Variants in ZMAT4 observed in about 807,000 individuals in gnomAD.
ZMAT4 encodes the protein zinc finger matrin-type 4.
A neutral mutation model predicts 28.7 loss-of-function variants in ZMAT4; 17 were observed. That is an observed-to-expected ratio of 0.59 (90% CI 0.41 to 0.89). The LOEUF (loss-of-function observed/expected upper bound fraction) is 0.89. Among genes scored for constraint, ZMAT4 ranks in the 40% least tolerant of loss-of-function variants. The pLI is 0.00. For missense variants in ZMAT4, 240 were observed against 283.8 expected, an observed-to-expected ratio of 0.85 and a Z score of 1.11; for synonymous variants, 117 against 109.2, an observed-to-expected ratio of 1.07 and a Z score of -0.44.
chr8:40,809,836 G>A (rs2150595077), intron 2 of ZMAT4, among the ~76,000 whole-genome samples: 1 of 152,178 alleles, frequency 6.6e-6, no homozygotes. Flanking sequence ...TTGAGGTCAG[G>A]AGTTCAAGAC....
chr8:40,632,186 G>A (rs1806613496), intron 5 of ZMAT4, among the ~76,000 whole-genome samples: 1 of 152,174 alleles, frequency 6.6e-6, no homozygotes, highest in Non-Finnish European at 1.5e-5. Context: ...TGGAATGCCA[G>A]TTTTACACAG....
intron 1 of ZMAT4, among the ~76,000 whole-genome samples, chr8:40,891,257 G>GAGGGGGAAGGGGGAAGGGGGGAGGGGGA (rs1818669763): frequency 1.1e-5 from 1 of 93,818 alleles, no homozygotes; most frequent in Admixed American, 1.0e-4. Flanking sequence ...GGGGAAGGGG[G>GAGGGGGAAGGGGGAAGGGGGGAGGGGGA]AGGGGGGAGG....
rs373761809 is a variant in ZMAT4 at position 40,574,000 on chromosome 8, G to T, written c.674+7165C>A. ...ATATTATTAGTAAAAATATAAATCT[G>T]ATACCTCTATAATCACTGGCACCTG... On this transcript the variant is annotated intron_variant, in intron 6 of 6. Transcript: ENST00000297737. Among the ~76,000 whole-genome samples the T allele has an allele frequency of 9.2e-4, 140 of 152,208 alleles. 1 individual carries two copies. Among genetic ancestry groups the T allele is most frequent in the Non-Finnish European group, 5.1e-4 (35 of 68,004 alleles).
Position 40,851,099 on chromosome 8 carries a change from G to T in ZMAT4, c.-4-25419C>A, listed in dbSNP as rs541466326. 1.1e-3 allele frequency among the ~76,000 whole-genome samples: 169 copies of T among 152,206 alleles called. 1 individual carries two copies. Among genetic ancestry groups the T allele is most frequent in the Non-Finnish European group, 1.1e-3 (77 of 68,000 alleles). ...CCCAGCACTTTGGGAGACCGCGGTAGGCAGATCACGTGAGGTCAGGATTTC... is the reference window on the plus strand; with the variant it reads ...CCCAGCACTTTGGGAGACCGCGGTATGCAGATCACGTGAGGTCAGGATTTC... On this transcript the variant is annotated intron_variant, in intron 1 of 6. Transcript: ENST00000297737.
chr8:40,538,181 C>T (rs551353157), intron 6 of ZMAT4, among the ~76,000 whole-genome samples: 1 of 152,256 alleles, frequency 6.6e-6, no homozygotes, highest in South Asian at 2.1e-4. Context: ...TCTCGGGAGC[C>T]TACTATCTGA....
intron 3 of ZMAT4, among the ~76,000 whole-genome samples, chr8:40,755,170 C>T (rs1401206885): frequency 6.6e-6 from 1 of 152,056 alleles, no homozygotes; most frequent in African/African-American, 2.4e-5. Flanking sequence ...AATGGAAACT[C>T]GGGGGTTTGA....
chr8:40,790,648 T>C (rs1814284865), intron 2 of ZMAT4, among the ~76,000 whole-genome samples: 1 of 151,962 alleles, frequency 6.6e-6, no homozygotes, highest in Non-Finnish European at 1.5e-5. Context: ...AACAAAAAAA[T>C]TGAGAGATAT....
At chr8:40,620,468 T>C (rs1806156069) in intron 5 of ZMAT4, among the ~76,000 whole-genome samples, 1 of 152,246 alleles carries the variant, frequency 6.6e-6, no homozygotes, top group African/African-American at 2.4e-5. Context: ...TTTATTCCTC[T>C]GTAAAAGAAC....
chr8:40,836,659 A>T (rs1816500989), intron 1 of ZMAT4, among the ~76,000 whole-genome samples: 1 of 152,226 alleles, frequency 6.6e-6, no homozygotes, highest in African/African-American at 2.4e-5. Context: ...AAACAACTGA[A>T]ATGAAAATAT....
chr8:40,781,498 C>T (rs1378257573), intron 2 of ZMAT4, among the ~76,000 whole-genome samples: 4 of 152,006 alleles, frequency 2.6e-5, no homozygotes, highest in African/African-American at 7.2e-5. Flanking sequence ...CGCGGTGGCT[C>T]ACGCCTGTAA....
intron 3 of ZMAT4, among the ~76,000 whole-genome samples, chr8:40,726,287 A>C (rs1811315613): frequency 1.3e-5 from 2 of 152,170 alleles, no homozygotes; most frequent in African/African-American, 4.8e-5. Flanking sequence ...ACCTGGTTCA[A>C]ATGCATTTTT....
intron 1 of ZMAT4, among the ~76,000 whole-genome samples, chr8:40,827,094 T>C (rs539929179): frequency 6.6e-6 from 1 of 152,346 alleles, no homozygotes; most frequent in East Asian, 1.9e-4. Flanking sequence ...GCTAGTCATT[T>C]GCATAGCCAA....
chr8:40,880,704 C>T (rs879766027), intron 1 of ZMAT4, among the ~76,000 whole-genome samples: 39 of 152,216 alleles, frequency 2.6e-4, no homozygotes, highest in Admixed American at 2.2e-3. Flanking sequence ...ACTTCAGAGC[C>T]GGGACTCCAC....
At chr8:40,715,104 T>C (rs542697664) in intron 3 of ZMAT4, among the ~76,000 whole-genome samples, 1 of 146,088 alleles carries the variant, frequency 6.8e-6, no homozygotes, top group Non-Finnish European at 1.5e-5. Context: ...GACCTCGCTA[T>C]GGAAGGGACT....
chr8:40,610,116 C>T (rs1585753964), intron 5 of ZMAT4, among the ~76,000 whole-genome samples: 3 of 152,258 alleles, frequency 2.0e-5, no homozygotes, highest in South Asian at 2.1e-4. Flanking sequence ...CTAATAATTC[C>T]AGTCTTTGAA....
intron 5 of ZMAT4, among the ~76,000 whole-genome samples, chr8:40,610,305 G>A (rs575189477): frequency 6.6e-6 from 1 of 152,272 alleles, no homozygotes; most frequent in Non-Finnish European, 1.5e-5. Flanking sequence ...GAACACCTGG[G>A]TGTATACTTA....
chr8:40,610,600 G>A (rs1805759947), intron 5 of ZMAT4, among the ~76,000 whole-genome samples: 1 of 152,072 alleles, frequency 6.6e-6, no homozygotes, highest in Non-Finnish European at 1.5e-5. Context: ...GATGAAAGCA[G>A]GAACAATTTC....
At chr8:40,552,826 C>T (rs1444689135) in intron 6 of ZMAT4, among the ~76,000 whole-genome samples, 1 of 152,148 alleles carries the variant, frequency 6.6e-6, no homozygotes. Flanking sequence ...TCACACTCTT[C>T]CCTTCAAGAG....
At chr8:40,667,941 C>A (rs538412447) in intron 5 of ZMAT4, among the ~76,000 whole-genome samples, 2 of 151,516 alleles carry the variant, frequency 1.3e-5, no homozygotes, top group African/African-American at 4.8e-5. Flanking sequence ...ATGAGAAATA[C>A]TTTTGCCCTC....
Sources: allele counts gnomAD v4.1 joint callset (sites outside exome capture counted in the v4.1 genomes callset), GRCh38; gene constraint gnomAD v4.1.1; transcripts MANE v1.5; gene names NCBI Gene and HGNC (gene_info 2026-07-23, HGNC 2026-07-21).